PAQR5: variants seen among roughly 807,000 people sequenced by gnomAD.
The protein encoded by PAQR5 is membrane progestin receptor gamma.
Under a neutral mutation model 34.5 loss-of-function variants are expected in PAQR5, and 20 were observed. The ratio of observed to expected loss-of-function variants is 0.58; its 90% CI spans 0.41 to 0.84. The LOEUF (loss-of-function observed/expected upper bound fraction) is 0.84. PAQR5 is among the 40% of genes least tolerant of loss of function. The pLI is 0.00. For missense variants in PAQR5, 378 were observed against 412.7 expected (o/e 0.92, Z 0.73); for synonymous variants, 131 against 155.6 (o/e 0.84, Z 1.18).
intron 2 of PAQR5, among the ~76,000 whole-genome samples, chr15:69,348,933 G>C (rs1365524262): frequency 6.6e-6 from 1 of 152,108 alleles, no homozygotes; most frequent in Non-Finnish European, 1.5e-5. Flanking sequence ...AATTCTTTCT[G>C]GAATTTTCTA....
At position 69,364,643 on chromosome 15, in the gene PAQR5, C is replaced by CTGTG. The variant is rs3985624; in HGVS notation, c.51+4528_51+4531dup. ...AACATTTCACCATTTAATATGGTTG[C>CTGTG]TGTGTGTGTGTGTGTGTGTATAAGT... On this transcript the variant is annotated intron_variant, in intron 3 of 8. Transcript: ENST00000395407. Among the ~76,000 whole-genome samples, 1,092 of 146,456 alleles carry CTGTG rather than the reference C, an allele frequency of 7.5e-3. 15 individuals carry two copies. The highest frequency in any genetic ancestry group is 0.027 in the African/African-American group (1,046 of 38,486).
intron 1 of PAQR5, among the ~76,000 whole-genome samples, chr15:69,318,835 T>C (rs938758606): frequency 1.1e-4 from 17 of 151,886 alleles, no homozygotes; most frequent in African/African-American, 3.9e-4. Flanking sequence ...TATGTTATAA[T>C]AAAAGTTATA....
intron 5 of PAQR5, among the ~76,000 whole-genome samples, chr15:69,386,102 C>T (rs1023602441): frequency 2.0e-5 from 3 of 151,396 alleles, no homozygotes; most frequent in African/African-American, 7.3e-5. Flanking sequence ...ACATACGCAC[C>T]ACACATGCTG....
At chr15:69,340,462 A>G (rs1280115920) in intron 2 of PAQR5, among the ~76,000 whole-genome samples, 1 of 152,194 alleles carries the variant, frequency 6.6e-6, no homozygotes, top group East Asian at 1.9e-4. Flanking sequence ...GTGAGCAGAC[A>G]TAATCATGGC....
intron 1 of PAQR5, among the ~76,000 whole-genome samples, chr15:69,300,590 C>CCTTCT (rs2053516725): frequency 2.4e-5 from 1 of 41,994 alleles, no homozygotes; most frequent in South Asian, 9.2e-4. Context: ...TCTTTCTTTC[C>CCTTCT]TTCTTTCTTT....
At chr15:69,362,934 C>A (rs951740435) in intron 3 of PAQR5, among the ~76,000 whole-genome samples, 1 of 152,184 alleles carries the variant, frequency 6.6e-6, no homozygotes, top group African/African-American at 2.4e-5. Context: ...GGAGATGCAA[C>A]CTTCACTTGT....
At chr15:69,309,035 G>T (rs750611546) in intron 1 of PAQR5, among the ~76,000 whole-genome samples, 1 of 152,192 alleles carries the variant, frequency 6.6e-6, no homozygotes, top group African/African-American at 2.4e-5. Flanking sequence ...AGCATGCTGG[G>T]TTGGAGATAC....
chr15:69,341,215 T>C (rs1274361042), intron 2 of PAQR5, among the ~76,000 whole-genome samples: 2 of 130,348 alleles, frequency 1.5e-5, no homozygotes, highest in African/African-American at 5.7e-5. Flanking sequence ...TGTCTTTACG[T>C]AAATGTCTCT....
In PAQR5 at chr15:69,366,943, A is replaced by T. The variant is rs551530903; in HGVS notation, c.51+6812A>T. ...GTATGATTTTGTAGTGATTATCTTT[A>T]TATCTAGTAATGCTTTTTGCCTTGG... On this transcript the variant is annotated intron_variant, in intron 3 of 8. Transcript: ENST00000395407. Among the ~76,000 whole-genome samples, 20 of 152,110 alleles carry T rather than the reference A, an allele frequency of 1.3e-4. 1 individual carries two copies. The South Asian group carries it at 3.5e-3, about 27-fold the overall frequency.
At chr15:69,339,170 A>ACCC (rs55878437) in intron 2 of PAQR5, among the ~76,000 whole-genome samples, 2 of 137,038 alleles carry the variant, frequency 1.5e-5, no homozygotes, top group African/African-American at 2.6e-5. Flanking sequence ...CACTGGCTAC[A>ACCC]CCCCCCACCC....
At chr15:69,393,295 G>A (rs2056322288) in intron 6 of PAQR5, among the ~76,000 whole-genome samples, 1 of 152,090 alleles carries the variant, frequency 6.6e-6, no homozygotes, top group South Asian at 2.1e-4. Context: ...CTCTGCCTTT[G>A]GTGTCTGGAG....
chr15:69,314,093 T>A (rs2140557869), intron 1 of PAQR5, among the ~76,000 whole-genome samples: 1 of 152,298 alleles, frequency 6.6e-6, no homozygotes, highest in Middle Eastern at 3.4e-3. Context: ...CAGGGAGTTC[T>A]GAGAGGAGGG....
At chr15:69,300,638 T>TC (rs1491460257) in intron 1 of PAQR5, among the ~76,000 whole-genome samples, 2 of 37,708 alleles carry the variant, frequency 5.3e-5, no homozygotes, top group Admixed American at 2.9e-4. Context: ...TCTTTCTTTC[T>TC]TTCTTTCTTT....
At chr15:69,332,984 C>T (rs1427120378) in intron 1 of PAQR5, among the ~76,000 whole-genome samples, 7 of 151,860 alleles carry the variant, frequency 4.6e-5, no homozygotes, top group African/African-American at 1.2e-4. Flanking sequence ...TTTTAAAGAG[C>T]GCTATGGTTA....
chr15:69,376,799 G>T (rs1057184595), intron 3 of PAQR5, among the ~76,000 whole-genome samples: 1 of 152,280 alleles, frequency 6.6e-6, no homozygotes, highest in African/African-American at 2.4e-5. Flanking sequence ...AGGTCAAGTT[G>T]TCCAATGTAT....
intron 6 of PAQR5, among the ~76,000 whole-genome samples, chr15:69,396,597 C>T (rs2056440613): frequency 6.6e-6 from 1 of 152,180 alleles, no homozygotes; most frequent in African/African-American, 2.4e-5. Flanking sequence ...ACTACCTGGC[C>T]TTGGTGGCCC....
In PAQR5 at chr15:69,404,852, G is replaced by C; in HGVS notation, c.*1030G>C. 2.5e-6 allele frequency: 1 copy of C among 398,070 alleles called. No individual in the cohort carries two copies. Among genetic ancestry groups the C allele is most frequent in the East Asian group, 3.6e-5 (1 of 28,058 alleles). 24.7% of individuals were successfully genotyped at this position (398,070 alleles called of 1,614,324 possible). A position where few individuals can be genotyped will look rare whatever the true frequency, so the allele number is the denominator to read the frequency against. ...GCAGACTCCTAGGGAAAACCAGGGG[G>C]TTCTGCTTCACTAGGTTAAATGTAG... On this transcript the variant is annotated 3_prime_UTR_variant, in exon 9 of 9. Coordinates refer to ENST00000395407, the MANE Select transcript of PAQR5 (RefSeq NM_017705.4).
In PAQR5 at chr15:69,405,119, A is replaced by G. The variant is rs1197946239; in HGVS notation, c.*1297A>G. 1 of 397,570 alleles carries G rather than the reference A, an allele frequency of 2.5e-6. No individual in the cohort carries two copies. The highest frequency in any genetic ancestry group is 3.6e-5 in the East Asian group (1 of 28,054). 24.6% of individuals were successfully genotyped at this position (397,570 alleles called of 1,614,324 possible). Reference sequence around the variant, plus strand: ...CACTGAGCATTTTCTCATTTGTTGCATTACTGATTAAAGTTCAGTATTTCA... The same window carrying G: ...CACTGAGCATTTTCTCATTTGTTGCGTTACTGATTAAAGTTCAGTATTTCA... On this transcript the variant is annotated 3_prime_UTR_variant, in exon 9 of 9. Coordinates refer to ENST00000395407, the MANE Select transcript of PAQR5 (RefSeq NM_017705.4).
chr15:69,380,578 T>C (rs2055856434), intron 4 of PAQR5, among the ~76,000 whole-genome samples: 1 of 152,090 alleles, frequency 6.6e-6, no homozygotes, highest in Admixed American at 6.5e-5. Flanking sequence ...AGAGCAAAGC[T>C]CTGGGAAGCC....
Sources: gnomAD v4.1 joint callset for allele counts (sites outside exome capture counted in the v4.1 genomes callset) on GRCh38, gnomAD v4.1.1 for gene constraint, MANE v1.5 for transcripts, NCBI Gene and HGNC (gene_info 2026-07-23, HGNC 2026-07-21) for gene names.